The following CSNK1G2 variants were observed in gnomAD, a reference collection of about 807,000 sequenced individuals.
CSNK1G2 encodes casein kinase I isoform gamma-2.
CSNK1G2 carries 11 observed loss-of-function variants against 48.0 expected under a neutral mutation model. That is an observed-to-expected ratio of 0.23 (90% CI 0.14 to 0.38). CSNK1G2 has a LOEUF of 0.38. CSNK1G2 is among the 10% of genes least tolerant of loss of function. The probability of loss-of-function intolerance (pLI) is 1.00; values close to 1 mark genes in which losing one functional copy is unlikely to be tolerated. For missense variants in CSNK1G2, 446 were observed against 595.5 expected (o/e 0.75, Z 2.61); for synonymous variants, 337 against 254.1 (o/e 1.33, Z -3.10).
At chr19:1,954,936 T>C (rs1435645331) in intron 1 of CSNK1G2, among the ~76,000 whole-genome samples, 1 of 152,092 alleles carries the variant, frequency 6.6e-6, no homozygotes, top group Non-Finnish European at 1.5e-5. Context: ...GGGTTGTTGC[T>C]TTTCGCTGTG....
chr19:1,978,542 C>A lies in CSNK1G2; in HGVS notation c.298+31C>A. 1.9e-6 allele frequency: 3 copies of A among 1,567,792 alleles called. No homozygotes were observed. Among genetic ancestry groups the A allele is most frequent in the Non-Finnish European group, 2.6e-6 (3 of 1,157,486 alleles). On this transcript the variant is annotated intron_variant, in intron 4 of 11. Coordinates refer to ENST00000255641, the MANE Select transcript of CSNK1G2 (RefSeq NM_001319.7). The surrounding 1 kb of genome is among the most constrained non-coding windows in gnomAD (Gnocchi z 7.3). ...GGGCGGCCCGCGGGTGGGGCGGGGG[C>A]TGCGCAGGGGCAGGGAGGGGGCTGC... is the stretch of plus-strand genomic sequence containing the variant.
intron 1 of CSNK1G2, among the ~76,000 whole-genome samples, chr19:1,951,079 C>T (rs2014745302): frequency 1.4e-5 from 2 of 145,238 alleles, no homozygotes; most frequent in South Asian, 4.4e-4. Flanking sequence ...CCTGGGGAGG[C>T]AACACTTTCT....
intron 2 of CSNK1G2, chr19:1,975,315 GTCC>G (rs2015715977): frequency 1.0e-5 from 10 of 985,504 alleles, no homozygotes; most frequent in Non-Finnish European, 1.2e-5. Context: ...GCGAGGGCTT[GTCC>G]TCCTCAGCCT....
At chr19:1,954,256 T>C (rs2014899841) in intron 1 of CSNK1G2, 1 of 305,460 alleles carries the variant, frequency 3.3e-6, no homozygotes, top group Non-Finnish European at 6.7e-6. Flanking sequence ...CTGGCCCCGC[T>C]CTGCTGTGGC....
chr19:1,944,763 C>T (rs1250282562), intron 1 of CSNK1G2, among the ~76,000 whole-genome samples: 1 of 152,066 alleles, frequency 6.6e-6, no homozygotes, highest in East Asian at 1.9e-4. Context: ...ACCACCAGAA[C>T]GGTGTATTCA....
chr19:1,950,416 G>C (rs1031870357), intron 1 of CSNK1G2, among the ~76,000 whole-genome samples: 1 of 147,310 alleles, frequency 6.8e-6, no homozygotes. Context: ...TGGGATTACA[G>C]GCGTGAGCCA....
intron 1 of CSNK1G2, among the ~76,000 whole-genome samples, chr19:1,946,286 ATTTT>A (rs763689360): frequency 7.1e-6 from 1 of 140,570 alleles, no homozygotes; most frequent in African/African-American, 2.5e-5. Flanking sequence ...TTATTTATTT[ATTTT>A]TTATTTATTT....
chr19:1,976,300 T>C (rs1190026144), intron 2 of CSNK1G2, among the ~76,000 whole-genome samples: 1 of 152,044 alleles, frequency 6.6e-6, no homozygotes, highest in African/African-American at 2.4e-5. Flanking sequence ...CCCTGGTCCC[T>C]GGCTCAGGAC....
intron 1 of CSNK1G2, among the ~76,000 whole-genome samples, chr19:1,946,290 T>TTTATTTATTTATTTATTTATTTA (rs1555678394): frequency 5.8e-5 from 4 of 69,116 alleles, no homozygotes; most frequent in East Asian, 3.1e-4. Context: ...TTATTTATTT[T>TTTATTTATTTATTTATTTATTTA]TTATTTATTT....
intron 2 of CSNK1G2, among the ~76,000 whole-genome samples, chr19:1,970,518 G>A (rs1213499000): frequency 6.6e-6 from 1 of 152,230 alleles, no homozygotes; most frequent in African/African-American, 2.4e-5. Context: ...GCCCGGGCAG[G>A]CGTGAGGAGC....
intron 1 of CSNK1G2, among the ~76,000 whole-genome samples, chr19:1,963,339 G>A (rs1031774084): frequency 3.9e-5 from 6 of 152,126 alleles, no homozygotes; most frequent in Non-Finnish European, 1.5e-5. Context: ...ACCCTCCCGA[G>A]TAGCTGGGAG....
chr19:1,962,250 G>A (rs1055786019), intron 1 of CSNK1G2, among the ~76,000 whole-genome samples: 3 of 137,472 alleles, frequency 2.2e-5, no homozygotes, highest in African/African-American at 6.5e-5. Context: ...AGAACTGCAC[G>A]AACCTGGGAG....
Position 1,957,969 on chromosome 19 carries a change from G to A in CSNK1G2, c.-265-11539G>A, listed in dbSNP as rs1476606795. 6.6e-6 allele frequency among the ~76,000 whole-genome samples: 1 copy of A among 152,190 alleles called. No individual in the cohort carries two copies. Among genetic ancestry groups the A allele is most frequent in the Admixed American group, 6.5e-5 (1 of 15,290 alleles). ...TCATGTCACCACGTGCTTCCCCCGTGTGCAGGGAGGGGTTGGAGGTGTGCG... is the reference window on the plus strand; with the variant it reads ...TCATGTCACCACGTGCTTCCCCCGTATGCAGGGAGGGGTTGGAGGTGTGCG... On this transcript the variant is annotated intron_variant, in intron 1 of 11. Transcript: ENST00000255641. The surrounding 1 kb of genome is among the most constrained non-coding windows in gnomAD (Gnocchi z 5.4).
At chr19:1,966,204 C>T (rs1004841489) in intron 1 of CSNK1G2, among the ~76,000 whole-genome samples, 1 of 152,168 alleles carries the variant, frequency 6.6e-6, no homozygotes, top group Non-Finnish European at 1.5e-5. Flanking sequence ...AAATTGAAAC[C>T]CCCGGAAAGG....
intron 2 of CSNK1G2, among the ~76,000 whole-genome samples, chr19:1,977,552 A>G (rs1443262011): frequency 6.6e-6 from 1 of 152,272 alleles, no homozygotes; most frequent in African/African-American, 2.4e-5. Context: ...CAGGAGTTCA[A>G]GATCAGCCCG....
Position 1,969,857 on chromosome 19 carries a change from G to A in CSNK1G2, c.85G>A (p.Gly29Ser), listed in dbSNP as rs371407393. Residue 29 changes from glycine to serine, a missense_variant, in exon 2 of 12, where the codon GGC becomes AGC. Around this residue, in one of 2 missense-constraint regions of CSNK1G2, gnomAD observed 258 missense variants for 415.9 expected, o/e 0.62. Transcript: ENST00000255641. The stretch of plus-strand genomic sequence containing the variant: ...GGCCGGCGGGGGCCGGAGCAGCCAC[G>A]GCATCCGGAGCTCGGGGACCAGCTC... Reference protein sequence around the residue: ...SKAGGGRSSHGIRSSGTSSGV... With the variant: ...SKAGGGRSSHSIRSSGTSSGV... 85 of 1,311,408 alleles carry A rather than the reference G, an allele frequency of 6.5e-5. No individual in the cohort carries two copies. Among genetic ancestry groups the A allele is most frequent in the East Asian group, 1.4e-4 (5 of 35,678 alleles). 81.2% of individuals were successfully genotyped at this position (1,311,408 alleles called of 1,614,324 possible).
chr19:1,944,993 C>T (rs965757931), intron 1 of CSNK1G2, among the ~76,000 whole-genome samples: 1 of 152,232 alleles, frequency 6.6e-6, no homozygotes, highest in Non-Finnish European at 1.5e-5. Context: ...GGGCATGGGA[C>T]AAAGCAGGAC....
chr19:1,955,948 C>T (rs1274700556), intron 1 of CSNK1G2, among the ~76,000 whole-genome samples: 1 of 152,232 alleles, frequency 6.6e-6, no homozygotes, highest in Non-Finnish European at 1.5e-5. Context: ...ACCACTGTAT[C>T]AGAACAGACG....
rs1008758765 is a variant in CSNK1G2, at chr19:1,980,399, T to G, written c.*196T>G. 2 of 666,052 alleles carry G rather than the reference T, an allele frequency of 3.0e-6. No homozygotes were observed. Among genetic ancestry groups the G allele is most frequent in the Non-Finnish European group, 5.3e-6 (2 of 377,372 alleles). The allele number at this position is 666,052 out of a possible 1,614,324, so 41.3% of individuals were successfully genotyped here. On this transcript the variant is annotated 3_prime_UTR_variant, in exon 12 of 12. Transcript: ENST00000255641. ...TGGGGTCACTTCCTTCATGTAAGAC[T>G]TTGGCCGAAATTTCTACACCTGTGT...
Sources: gnomAD v4.1 joint callset for allele counts (sites outside exome capture counted in the v4.1 genomes callset) on GRCh38, gnomAD v4.1.1 for gene constraint, gnomAD v4.1.1 regional missense constraint, Gnocchi (gnomAD v3.1) non-coding constraint, MANE v1.5 for transcripts, NCBI Gene and HGNC (gene_info 2026-07-23, HGNC 2026-07-21) for gene names.